SAMD12: variants seen among roughly 807,000 people sequenced by gnomAD.
The protein encoded by SAMD12 is sterile alpha motif domain-containing protein 12.
SAMD12 carries 9 observed loss-of-function variants against 15.0 expected under a neutral mutation model. That is an observed-to-expected ratio of 0.60 (90% confidence interval 0.36 to 1.05). The LOEUF (loss-of-function observed/expected upper bound fraction) is 1.05, where lower values mean the gene tolerates loss of function less well. SAMD12 is among the 50% of genes least tolerant of loss of function. The probability of loss-of-function intolerance (pLI) is 0.01; values close to 1 mark genes in which losing one functional copy is unlikely to be tolerated. For synonymous variants in SAMD12, 86 were observed against 90.1 expected, an observed-to-expected ratio of 0.96 and a Z score of 0.25; for missense variants, 230 against 234.2, an observed-to-expected ratio of 0.98 and a Z score of 0.12.
At chr8:118,330,943 G>A (rs371427221) in intron 4 of SAMD12, among the ~76,000 whole-genome samples, 1 of 152,150 alleles carries the variant, frequency 6.6e-6, no homozygotes, top group East Asian at 1.9e-4. Context: ...AAATCTGCAC[G>A]TGTACCTGCC....
chr8:118,421,200 A>T (rs1183030674), intron 3 of SAMD12, among the ~76,000 whole-genome samples: 1 of 152,248 alleles, frequency 6.6e-6, no homozygotes, highest in Non-Finnish European at 1.5e-5. Context: ...AAATTAAATG[A>T]TTTAATACAT....
chr8:118,509,594 A>AC lies in SAMD12; in HGVS notation c.193-69634dup, dbSNP rs551803188. Among the ~76,000 whole-genome samples, 18 of 152,310 alleles carry AC rather than the reference A, an allele frequency of 1.2e-4. No individual in the cohort carries two copies. In the South Asian group the frequency reaches 3.1e-3, roughly 26 times the overall value. On this transcript the variant is annotated intron_variant, in intron 2 of 3. Coordinates refer to ENST00000314727, the MANE Select transcript of SAMD12 (RefSeq NM_207506.3). ...ATGATTTGCTAAAATCCTGGACACT[A>AC]CTTCCCTAAAACTCAAAATGTAGCA...
At chr8:118,475,466 G>C (rs1317363354) in intron 2 of SAMD12, among the ~76,000 whole-genome samples, 1 of 152,026 alleles carries the variant, frequency 6.6e-6, no homozygotes, top group African/African-American at 2.4e-5. Flanking sequence ...CCCAGCCTCA[G>C]GTATTCATTT....
At chr8:118,233,365 T>C (rs1189793029) in intron 4 of SAMD12, among the ~76,000 whole-genome samples, 1 of 152,156 alleles carries the variant, frequency 6.6e-6, no homozygotes, top group Non-Finnish European at 1.5e-5. Flanking sequence ...TGCTGAGCAG[T>C]GGAGAGTTCC....
rs1179911219 is a variant in SAMD12 at position 118,621,881 on chromosome 8, T to TC, written c.-66dup. On this transcript the variant is annotated 5_prime_UTR_variant, in exon 1 of 4. Coordinates refer to ENST00000314727, the MANE Select transcript of SAMD12 (RefSeq NM_207506.3). ...CCGAGGTACTCCTCCTGCCCCGCGC[T>TC]CCCCCCTTCCTCTCGCTTTCGCCTA... The TC allele has an allele frequency of 3.5e-5, 54 of 1,530,278 alleles. No individual in the cohort carries two copies. The highest frequency in any genetic ancestry group is 5.0e-5 in the Admixed American group (3 of 59,860). 94.8% of individuals were successfully genotyped at this position (1,530,278 alleles called of 1,614,324 possible).
chr8:118,447,315 T>C (rs1469947279), intron 2 of SAMD12, among the ~76,000 whole-genome samples: 1 of 151,944 alleles, frequency 6.6e-6, no homozygotes, highest in African/African-American at 2.4e-5. Context: ...TTTTTTTTTC[T>C]TTTTTGAGAC....
At chr8:118,354,378 T>A (rs1469507725) in intron 4 of SAMD12, among the ~76,000 whole-genome samples, 1 of 152,172 alleles carries the variant, frequency 6.6e-6, no homozygotes, top group Non-Finnish European at 1.5e-5. Flanking sequence ...TCAATTTCCT[T>A]TCCTCCGTAA....
the SAMD12 span, among the ~76,000 whole-genome samples, chr8:118,148,860 G>A: frequency 6.6e-6 from 1 of 152,204 alleles, no homozygotes; most frequent in East Asian, 1.9e-4. Context: ...ATGTTCAATG[G>A]TTTGTTATTT....
chr8:118,359,695 G>A (rs912247111), intron 4 of SAMD12, among the ~76,000 whole-genome samples: 4 of 152,088 alleles, frequency 2.6e-5, no homozygotes, highest in African/African-American at 9.7e-5. Context: ...TGTTTGATCT[G>A]CAGAAGAAAA....
At chr8:118,139,968 G>A in the SAMD12 span, among the ~76,000 whole-genome samples, 1 of 152,164 alleles carries the variant, frequency 6.6e-6, no homozygotes, top group Non-Finnish European at 1.5e-5. Flanking sequence ...GGAAGGCGCT[G>A]GACTTCCTTT....
At chr8:118,589,905 T>C (rs149464117) in intron 1 of SAMD12, among the ~76,000 whole-genome samples, 44 of 152,314 alleles carry the variant, frequency 2.9e-4, no homozygotes, top group African/African-American at 1.0e-3. Flanking sequence ...TAGACATACT[T>C]TTCTCCATTC....
intron 4 of SAMD12, among the ~76,000 whole-genome samples, chr8:118,205,348 AATGACC>A: frequency 6.6e-6 from 1 of 152,376 alleles, no homozygotes; most frequent in Admixed American, 6.5e-5. Flanking sequence ...CAGATAACAC[AATGACC>A]ATAAGAGTTA....
intron 2 of SAMD12, among the ~76,000 whole-genome samples, chr8:118,480,880 C>A (rs549373999): frequency 6.6e-6 from 1 of 152,302 alleles, no homozygotes; most frequent in African/African-American, 2.4e-5. Flanking sequence ...CTGCCCAGGC[C>A]TTTCTCAACC....
intron 3 of SAMD12, among the ~76,000 whole-genome samples, chr8:118,394,232 T>C (rs1015315081): frequency 2.6e-5 from 4 of 152,202 alleles, no homozygotes; most frequent in African/African-American, 9.6e-5. Context: ...ATAAGGAACA[T>C]GAACAGATTT....
At chr8:118,620,619 T>C (rs888271026) in intron 1 of SAMD12, among the ~76,000 whole-genome samples, 11 of 151,968 alleles carry the variant, frequency 7.2e-5, no homozygotes, top group African/African-American at 2.4e-4. Context: ...AGGAGCTGGG[T>C]TGTTGCTACT....
At chr8:118,536,828 T>G (rs551059129) in intron 2 of SAMD12, among the ~76,000 whole-genome samples, 1 of 152,358 alleles carries the variant, frequency 6.6e-6, no homozygotes, top group East Asian at 1.9e-4. Flanking sequence ...TGTTATAATA[T>G]TCTGTGTTTT....
At chr8:118,210,501 T>C (rs562524355) in intron 4 of SAMD12, among the ~76,000 whole-genome samples, 1 of 152,342 alleles carries the variant, frequency 6.6e-6, no homozygotes, top group South Asian at 2.1e-4. Flanking sequence ...CATTTACTAA[T>C]GAGAAGCTAC....
chr8:118,620,667 G>T (rs1471877673), intron 1 of SAMD12, among the ~76,000 whole-genome samples: 1 of 152,158 alleles, frequency 6.6e-6, no homozygotes, highest in Non-Finnish European at 1.5e-5. Flanking sequence ...GGGAGCAAGA[G>T]TCAGATTAGT....
At chr8:118,212,717 T>G (rs1811864024) in intron 4 of SAMD12, among the ~76,000 whole-genome samples, 1 of 152,230 alleles carries the variant, frequency 6.6e-6, no homozygotes, top group African/African-American at 2.4e-5. Flanking sequence ...AGTATAATAT[T>G]TCTGAAGATG....
Sources: gnomAD v4.1 joint callset for allele counts (sites outside exome capture counted in the v4.1 genomes callset) on GRCh38, gnomAD v4.1.1 for gene constraint, MANE v1.5 for transcripts, NCBI Gene and HGNC (gene_info 2026-07-23, HGNC 2026-07-21) for gene names.